Variants in SMIM14 observed in about 807,000 individuals in gnomAD.
SMIM14 encodes small integral membrane protein 14, also known as chromosome 4 open reading frame 34.
Under a neutral mutation model 12.6 loss-of-function variants are expected in SMIM14, and 5 were observed. That is an observed-to-expected ratio of 0.40 (90% confidence interval 0.21 to 0.83). The LOEUF (loss-of-function observed/expected upper bound fraction) is 0.83, where lower values mean the gene tolerates loss of function less well. Ranked by LOEUF, SMIM14 falls within the 40% of genes least tolerant of loss-of-function variation. SMIM14 has a pLI of 0.37. For synonymous variants in SMIM14, 30 were observed against 40.1 expected, an observed-to-expected ratio of 0.75 and a Z score of 0.95; for missense variants, 86 against 119.1, an observed-to-expected ratio of 0.72 and a Z score of 1.29.
At chr4:39,564,534 C>T (rs1246495110) in intron 3 of SMIM14, among the ~76,000 whole-genome samples, 1 of 152,138 alleles carries the variant, frequency 6.6e-6, no homozygotes, top group Non-Finnish European at 1.5e-5. Flanking sequence ...CTTCTGGCTC[C>T]AAGCATTTCA....
At position 39,549,541 on chromosome 4, in the gene SMIM14, T is replaced by C. The variant is rs575076147; in HGVS notation, c.*2585A>G. 1 of 152,348 alleles carries C rather than the reference T, an allele frequency of 6.6e-6. No individual in the cohort carries two copies. Among genetic ancestry groups the C allele is most frequent in the South Asian group, 2.1e-4 (1 of 4,824 alleles). The allele number at this position is 152,348 out of a possible 1,614,324, so 9.4% of individuals were successfully genotyped here. A position where few individuals can be genotyped will look rare whatever the true frequency, so the allele number is the denominator to read the frequency against. ...CACCTGCCCCAGCCTCCCAAAGTGCTGGGATTACAGGCATGAGTCACTGCG... is the reference window on the plus strand; with the variant it reads ...CACCTGCCCCAGCCTCCCAAAGTGCCGGGATTACAGGCATGAGTCACTGCG... On this transcript the variant is annotated 3_prime_UTR_variant, in exon 5 of 5. Coordinates refer to ENST00000295958, the MANE Select transcript of SMIM14 (RefSeq NM_174921.3).
chr4:39,589,649 G>A (rs1415552102), intron 2 of SMIM14: 1 of 152,168 alleles, frequency 6.6e-6, no homozygotes, highest in Non-Finnish European at 1.5e-5. Context: ...AGAACAACAG[G>A]AGAAGACGGC....
intron 1 of SMIM14, among the ~76,000 whole-genome samples, chr4:39,607,734 C>T (rs147240056): frequency 1.6e-4 from 24 of 152,084 alleles, no homozygotes; most frequent in African/African-American, 4.8e-4. Context: ...AAAAGATAAA[C>T]GAAAGAGTGA....
At chr4:39,584,966 C>T (rs1345889281) in intron 2 of SMIM14, among the ~76,000 whole-genome samples, 1 of 151,678 alleles carries the variant, frequency 6.6e-6, no homozygotes, top group African/African-American at 2.4e-5. Context: ...ATATACTTTC[C>T]CCAGCTCTAC....
chr4:39,635,550 G>C (rs1472530100), intron 1 of SMIM14, among the ~76,000 whole-genome samples: 1 of 152,126 alleles, frequency 6.6e-6, no homozygotes, highest in East Asian at 1.9e-4. Flanking sequence ...GATGGCAGTA[G>C]GGATGGGAAG....
rs1711749823 is a variant in SMIM14 at position 39,552,122 on chromosome 4, A to G, written c.*4T>C. The G allele has an allele frequency of 5.6e-6, 9 of 1,594,270 alleles. No homozygotes were observed. The East Asian group carries it at 2.0e-4, about 36-fold the overall frequency. On this transcript the variant is annotated 3_prime_UTR_variant, in exon 5 of 5. Transcript: ENST00000295958. ...TAACTATTTTCACTTCCCATATCAC[A>G]AAGTTAGTCCACAGGAGGAGCTGGT...
chr4:39,621,219 TAC>T (rs1464041771), intron 1 of SMIM14: 6 of 152,054 alleles, frequency 3.9e-5, no homozygotes, highest in Admixed American at 3.9e-4. Flanking sequence ...TCCATTAAAG[TAC>T]AGAGAGAAAA....
chr4:39,602,896 A>G (rs1252624664), intron 2 of SMIM14, among the ~76,000 whole-genome samples: 1 of 152,254 alleles, frequency 6.6e-6, no homozygotes, highest in African/African-American at 2.4e-5. Flanking sequence ...TTAGTTATTG[A>G]CAACTTAAAT....
chr4:39,621,904 A>ACTCCCAGGCCC (rs1231677636), intron 1 of SMIM14, among the ~76,000 whole-genome samples: 7 of 149,738 alleles, frequency 4.7e-5, no homozygotes, highest in Non-Finnish European at 8.9e-5. Context: ...CTAGTCTCGA[A>ACTCCCAGGCCC]CTCCCAGGCT....
chr4:39,592,521 T>A (rs998252676), intron 2 of SMIM14, among the ~76,000 whole-genome samples: 1 of 152,126 alleles, frequency 6.6e-6, no homozygotes, highest in Admixed American at 6.6e-5. Context: ...TTTTATAGAT[T>A]TTTTAAAACA....
Position 39,574,330 on chromosome 4 carries a change from T to C in SMIM14, c.76-1867A>G, listed in dbSNP as rs963413395. On this transcript the variant is annotated intron_variant, in intron 2 of 4. Coordinates refer to ENST00000295958, the MANE Select transcript of SMIM14 (RefSeq NM_174921.3). ...GTGCAGTGGCGCAATCTCGGCTCACTGCAACCTCTGCCTCCCGGGTTCAAG... is the reference window on the plus strand; with the variant it reads ...GTGCAGTGGCGCAATCTCGGCTCACCGCAACCTCTGCCTCCCGGGTTCAAG... 8.0e-5 allele frequency among the ~76,000 whole-genome samples: 12 copies of C among 150,182 alleles called. No homozygotes were observed. The Admixed American group carries it at 8.1e-4, about 10-fold the overall frequency.
At chr4:39,603,677 A>C (rs4975025) in intron 2 of SMIM14, among the ~76,000 whole-genome samples, 18,848 of 152,184 alleles carry the variant, frequency 0.12, 1,723 homozygotes, top group South Asian at 0.32. Context: ...CTTGTTGTTC[A>C]GAAATCTACC....
intron 2 of SMIM14, among the ~76,000 whole-genome samples, chr4:39,581,245 T>G (rs1250544172): frequency 6.6e-6 from 1 of 152,184 alleles, no homozygotes; most frequent in Non-Finnish European, 1.5e-5. Flanking sequence ...ATTTTATGCC[T>G]AAACATTTTA....
rs189285147 is a variant in SMIM14 at position 39,568,256 on chromosome 4, G to C, written c.124+4159C>G. 2.4e-3 allele frequency among the ~76,000 whole-genome samples: 354 copies of C among 150,546 alleles called. 1 individual carries two copies. The highest frequency in any genetic ancestry group is 8.3e-3 in the African/African-American group (341 of 40,946). ...ATTGTGCCACTACACTCCAGCCTGG[G>C]CAACAGAGCAAGACTCCTTCTCAAA... On this transcript the variant is annotated intron_variant, in intron 3 of 4. Transcript: ENST00000295958.
chr4:39,553,066 T>C (rs535656995), intron 4 of SMIM14, among the ~76,000 whole-genome samples: 1 of 152,038 alleles, frequency 6.6e-6, no homozygotes, highest in Admixed American at 6.6e-5. Flanking sequence ...ATAGTTTTTT[T>C]TTTTTTTTCC....
chr4:39,635,161 C>T lies in SMIM14; in HGVS notation c.-36+3578G>A, dbSNP rs146803763. 8.0e-3 allele frequency among the ~76,000 whole-genome samples: 1,212 copies of T among 152,242 alleles called. 16 individuals carry two copies. Among genetic ancestry groups the T allele is most frequent in the Non-Finnish European group, 9.9e-3 (672 of 68,006 alleles). On this transcript the variant is annotated intron_variant, in intron 1 of 4. Coordinates refer to ENST00000295958, the MANE Select transcript of SMIM14 (RefSeq NM_174921.3). The stretch of plus-strand genomic sequence containing the variant: ...TGGGAGAAGAGTACTGAAGCCCCAG[C>T]GTTCAGCAAATGCAAAGGCCCTACA...
chr4:39,556,598 C>T (rs1340757528), intron 3 of SMIM14, 28 bp from the exon 4 acceptor site: 1 of 1,558,962 alleles, frequency 6.4e-7, no homozygotes, highest in South Asian at 1.2e-5. Context: ...ATGTAGCATG[C>T]TCACAATATT....
chr4:39,597,499 A>G (rs1196654345), intron 2 of SMIM14, among the ~76,000 whole-genome samples: 1 of 137,304 alleles, frequency 7.3e-6, no homozygotes, highest in Non-Finnish European at 1.5e-5. Context: ...GCTGGAGCAC[A>G]GTGGCACCAT....
intron 2 of SMIM14, chr4:39,594,221 C>A (rs1714252628): frequency 6.6e-6 from 1 of 152,154 alleles, no homozygotes; most frequent in South Asian, 2.1e-4. Context: ...ATCAATGGAA[C>A]AGAACAGAGC....
Sources: allele counts gnomAD v4.1 joint callset (sites outside exome capture counted in the v4.1 genomes callset), GRCh38; gene constraint gnomAD v4.1.1; transcripts MANE v1.5; gene names NCBI Gene and HGNC (gene_info 2026-07-23, HGNC 2026-07-21).